TAC1: variants seen among roughly 807,000 people sequenced by gnomAD.
TAC1 encodes protachykinin-1.
TAC1 carries 12 observed loss-of-function variants against 21.7 expected under a neutral mutation model. The observed-to-expected ratio is 0.55, with a 90% CI of 0.35 to 0.89. The LOEUF is 0.89. Ranked by LOEUF, TAC1 falls within the 40% of genes least tolerant of loss-of-function variation. TAC1 has a pLI of 0.01. For missense variants in TAC1, 128 were observed against 151.4 expected (o/e 0.85, Z 0.81); for synonymous variants, 52 against 52.0 (o/e 1.00, Z 0.00).
chr7:97,735,962 C>T (rs1186044502), intron 5 of TAC1, among the ~76,000 whole-genome samples: 1 of 152,048 alleles, frequency 6.6e-6, no homozygotes, highest in Non-Finnish European at 1.5e-5. Flanking sequence ...TTCACTCTCA[C>T]ACAAATGTGA....
intron 2 of TAC1, among the ~76,000 whole-genome samples, chr7:97,733,387 CA>C (rs920793489): frequency 6.6e-6 from 1 of 152,076 alleles, no homozygotes; most frequent in African/African-American, 2.4e-5. Flanking sequence ...GAGGACTCTA[CA>C]AAGCCGGCAC....
chr7:97,738,997 A>AAATATAATATAATATAATATAATAT (rs573282115), intron 6 of TAC1, among the ~76,000 whole-genome samples: 11,274 of 148,328 alleles, frequency 0.076, 553 homozygotes, highest in East Asian at 0.2. Context: ...TATATATAAT[A>AAATATAATATAATATAATATAATAT]AATATAATAT....
intron 5 of TAC1, among the ~76,000 whole-genome samples, chr7:97,735,710 ACTTT>A (rs1789562788): frequency 6.6e-6 from 1 of 152,212 alleles, no homozygotes; most frequent in African/African-American, 2.4e-5. Flanking sequence ...ATTCATATTT[ACTTT>A]CTAAGGATTT....
At position 97,732,825 on chromosome 7, in the gene TAC1, C is replaced by G. The variant is rs996085932; in HGVS notation, c.123+90C>G. ...CGCAACAGCACCCTAGTTAACGTGG[C>G]ACGCACCGCCACCACGGAAAGAGGC... On this transcript the variant is annotated intron_variant, in intron 2 of 6. Transcript: ENST00000319273. This position sits in a 1 kb window ranked among gnomAD's most constrained non-coding sequence, Gnocchi z 6.2. The G allele has an allele frequency of 6.2e-6, 9 of 1,462,976 alleles. No individual in the cohort carries two copies. The African/African-American group carries it at 7.0e-5, about 11-fold the overall frequency. 90.6% of individuals were successfully genotyped at this position (1,462,976 alleles called of 1,614,324 possible).
chr7:97,737,567 T>C (rs1562785331), intron 6 of TAC1, among the ~76,000 whole-genome samples: 1 of 151,996 alleles, frequency 6.6e-6, no homozygotes, highest in East Asian at 1.9e-4. Context: ...ATTGAAAAGT[T>C]CTAAGTGTTT....
Position 97,732,573 on chromosome 7 carries a change from T to C in TAC1, c.-9-31T>C. ...CCCTAATAGATACATTATTTCTCTC[T>C]TTGGTGTCTTCTCCTCCTACCCCTT... is the stretch of plus-strand genomic sequence containing the variant. On this transcript the variant is annotated intron_variant, in intron 1 of 6. Transcript: ENST00000319273. The surrounding 1 kb of genome is among the most constrained non-coding windows in gnomAD (Gnocchi z 6.2). The C allele has an allele frequency of 6.2e-7, 1 of 1,613,162 alleles. No homozygotes were observed. The highest frequency in any genetic ancestry group is 8.5e-7 in the Non-Finnish European group (1 of 1,179,580).
chr7:97,733,586 C>A, intron 2 of TAC1, 137 bp from the exon 3 acceptor site: 1 of 726,510 alleles, frequency 1.4e-6, no homozygotes, highest in South Asian at 1.8e-5. Context: ...TCGGGAGGGA[C>A]CCCGCTCAGC....
rs1754054720 is a variant in TAC1, at chr7:97,732,975, G to T, written c.123+240G>T. 1.6e-5 allele frequency: 7 copies of T among 429,290 alleles called. No individual in the cohort carries two copies. Among genetic ancestry groups the T allele is most frequent in the South Asian group, 1.4e-4 (3 of 21,866 alleles). The allele number at this position is 429,290 out of a possible 1,614,324, so 26.6% of individuals were successfully genotyped here. A position where few individuals can be genotyped will look rare whatever the true frequency, so the allele number is the denominator to read the frequency against. On this transcript the variant is annotated intron_variant, in intron 2 of 6. Transcript: ENST00000319273. The surrounding 1 kb of genome is among the most constrained non-coding windows in gnomAD (Gnocchi z 6.2). ...CCGGCCCAGGAACTCCCTGCAGTAG[G>T]GATGCCCTCCCGGATGAGCCCGAGA...
At chr7:97,737,272 C>T (rs376276024) in intron 6 of TAC1, among the ~76,000 whole-genome samples, 1 of 151,870 alleles carries the variant, frequency 6.6e-6, no homozygotes, top group African/African-American at 2.4e-5. Flanking sequence ...ATACTAAATA[C>T]GTTATTAATT....
chr7:97,733,140 C>A (rs931565354), intron 2 of TAC1: 48 of 185,112 alleles, frequency 2.6e-4, no homozygotes, highest in Non-Finnish European at 2.6e-4. Flanking sequence ...CGGGCACACG[C>A]GCGAGCTGCA....
In TAC1 at chr7:97,732,892, G is replaced by A. The variant is rs1789468163; in HGVS notation, c.123+157G>A. On this transcript the variant is annotated intron_variant, in intron 2 of 6. Coordinates refer to ENST00000319273, the MANE Select transcript of TAC1 (RefSeq NM_003182.3). The surrounding 1 kb of genome is among the most constrained non-coding windows in gnomAD (Gnocchi z 6.2). ...AGGATGGAAAGGGGCACTATTTCCCGGGTTCCCCACGGGATTTTGTGCCCA... is the reference window on the plus strand; with the variant it reads ...AGGATGGAAAGGGGCACTATTTCCCAGGTTCCCCACGGGATTTTGTGCCCA... 2.0e-6 allele frequency: 2 copies of A among 1,023,408 alleles called. No individual in the cohort carries two copies. Among genetic ancestry groups the A allele is most frequent in the Non-Finnish European group, 2.8e-6 (2 of 723,894 alleles). The allele number at this position is 1,023,408 out of a possible 1,614,324, so 63.4% of individuals were successfully genotyped here. A position where few individuals can be genotyped will look rare whatever the true frequency, so the allele number is the denominator to read the frequency against.
chr7:97,733,970 C>T, intron 3 of TAC1, 151 bp downstream of exon 3: 1 of 810,194 alleles, frequency 1.2e-6, no homozygotes, highest in Non-Finnish European at 2.0e-6. Context: ...CCACACCGCA[C>T]TAAGGCACGC....
At chr7:97,734,961 T>A in intron 5 of TAC1, 112 bp downstream of exon 5, 1 of 798,554 alleles carries the variant, frequency 1.3e-6, no homozygotes, top group Non-Finnish European at 2.0e-6. Flanking sequence ...TTAATATGTT[T>A]AATGAAGACA....
chr7:97,734,420 A>ACT (rs997219289), intron 4 of TAC1, 128 bp downstream of exon 4: 5 of 736,842 alleles, frequency 6.8e-6, no homozygotes, highest in Admixed American at 2.6e-5. Flanking sequence ...GGATTTGCGC[A>ACT]CTCTCTCTCG....
chr7:97,739,923 A>G lies in TAC1; in HGVS notation c.*3A>G. ...AGAATTATGAAAGAAGACGTTAATA[A>G]ACTACCTAACATTATTTATTCAGCT... On this transcript the variant is annotated 3_prime_UTR_variant, in exon 7 of 7. Transcript: ENST00000319273. The G allele has an allele frequency of 6.3e-7, 1 of 1,599,206 alleles. No individual in the cohort carries two copies. Among genetic ancestry groups the G allele is most frequent in the Non-Finnish European group, 8.5e-7 (1 of 1,171,680 alleles).
At position 97,733,717 on chromosome 7, in the gene TAC1, TC is replaced by T. The variant is rs1789492575; in HGVS notation, c.124-3del. On this transcript the variant is annotated splice_region_variant and splice_polypyrimidine_tract_variant and intron_variant, in intron 2 of 6. Transcript: ENST00000319273. ...CACGCCCTTTGTCCGTGCTTTTGTC[TC>T]CCAGGAGGAACTGCCGGAGCCCTTT... 1 of 1,613,818 alleles carries T rather than the reference TC, an allele frequency of 6.2e-7. No homozygotes were observed. The highest frequency in any genetic ancestry group is 1.1e-5 in the South Asian group (1 of 91,078).
chr7:97,737,920 C>G (rs1297397981), intron 6 of TAC1, among the ~76,000 whole-genome samples: 4 of 151,924 alleles, frequency 2.6e-5, no homozygotes, highest in Admixed American at 2.0e-4. Context: ...CATCAACTTT[C>G]CATTTCCAGA....
At chr7:97,737,807 C>T (rs56079400) in intron 6 of TAC1, among the ~76,000 whole-genome samples, 22,171 of 151,826 alleles carry the variant, frequency 0.15, 2,032 homozygotes, top group Admixed American at 0.27. Context: ...ATTATCTTCC[C>T]ACTTTTGGAA....
chr7:97,733,573 G>C (rs1311280390), intron 2 of TAC1, 150 bp from the exon 3 acceptor site: 2 of 632,060 alleles, frequency 3.2e-6, no homozygotes, highest in African/African-American at 3.8e-5. Flanking sequence ...GAGAGGCAGC[G>C]CCTCGGGAGG....
Sources: allele counts gnomAD v4.1 joint callset (sites outside exome capture counted in the v4.1 genomes callset), GRCh38; gene constraint gnomAD v4.1.1; non-coding constraint Gnocchi (gnomAD v3.1); transcripts MANE v1.5; gene names NCBI Gene and HGNC (gene_info 2026-07-23, HGNC 2026-07-21).